The following MIA2 variants were observed in gnomAD, a reference collection of about 807,000 sequenced individuals.
MIA2 encodes the protein melanoma inhibitory activity protein 2.
Under a neutral mutation model 167.8 loss-of-function variants are expected in MIA2, and 127 were observed. The ratio of observed to expected loss-of-function variants is 0.76; its 90% CI spans 0.66 to 0.88. The LOEUF is 0.88. Among genes scored for constraint, MIA2 ranks in the 40% least tolerant of loss-of-function variants. The pLI is 0.00. For missense variants in MIA2, 1,690 were observed against 1,624.7 expected, an observed-to-expected ratio of 1.04 and a Z score of -0.69; for synonymous variants, 552 against 541.9, an observed-to-expected ratio of 1.02 and a Z score of -0.26.
chr14:39,307,869 T>C (rs1015405924), intron 17 of MIA2, among the ~76,000 whole-genome samples: 2 of 152,172 alleles, frequency 1.3e-5, no homozygotes, highest in South Asian at 2.1e-4. Context: ...TTCTCACTTA[T>C]ATATGGGAGC....
intron 23 of MIA2, among the ~76,000 whole-genome samples, chr14:39,367,230 G>A (rs559986440): frequency 1.3e-5 from 2 of 152,120 alleles, no homozygotes; most frequent in African/African-American, 2.4e-5. Context: ...GAGTGTTGGC[G>A]ACCCTGTCAT....
At chr14:39,258,838 C>T (rs760396952) in intron 6 of MIA2, among the ~76,000 whole-genome samples, 5 of 152,152 alleles carry the variant, frequency 3.3e-5, no homozygotes, top group African/African-American at 7.2e-5. Context: ...CAGTCAGGCC[C>T]CTCTTCTGCA....
Position 39,300,646 on chromosome 14 carries a change from A to G in MIA2, c.2619+660A>G, listed in dbSNP as rs545525908. Among the ~76,000 whole-genome samples, 8 of 124,168 alleles carry G rather than the reference A, an allele frequency of 6.4e-5. No homozygotes were observed. The South Asian group carries it at 1.9e-3, about 29-fold the overall frequency. The allele number at this position is 124,168 out of a possible 152,430, so 81.5% of individuals were successfully genotyped here. On this transcript the variant is annotated intron_variant, in intron 14 of 28. Coordinates refer to ENST00000640607, the MANE Select transcript of MIA2 (RefSeq NM_001329214.4). ...GACACTTGGACACAGGAAGAGGAAC[A>G]TCACACACCGGGACCTGTTGTGGGG... is the stretch of plus-strand genomic sequence containing the variant.
intron 23 of MIA2, among the ~76,000 whole-genome samples, chr14:39,371,632 T>C (rs1294875378): frequency 6.6e-6 from 1 of 152,250 alleles, no homozygotes; most frequent in Non-Finnish European, 1.5e-5. Context: ...AGGAGAATGC[T>C]CTGATAATTT....
At chr14:39,332,848 C>T (rs963314482) in intron 25 of MIA2, among the ~76,000 whole-genome samples, 4 of 152,212 alleles carry the variant, frequency 2.6e-5, no homozygotes, top group South Asian at 4.2e-4. Context: ...AGCTGAAGAC[C>T]GGAGCTGTTC....
At chr14:39,288,708 G>A (rs146433277) in intron 9 of MIA2, among the ~76,000 whole-genome samples, 4 of 150,794 alleles carry the variant, frequency 2.7e-5, no homozygotes, top group African/African-American at 7.3e-5. Context: ...TGATCTGTCC[G>A]CCTCGGCCTC....
chr14:39,240,114 T>C (rs865973168), intron 2 of MIA2, among the ~76,000 whole-genome samples: 3 of 152,148 alleles, frequency 2.0e-5, no homozygotes, highest in Non-Finnish European at 4.4e-5. Flanking sequence ...ATGAATCCAT[T>C]TGTGGCCCTT....
At chr14:39,324,927 GA>G (rs977091935) in intron 24 of MIA2, among the ~76,000 whole-genome samples, 1 of 151,694 alleles carries the variant, frequency 6.6e-6, no homozygotes, top group African/African-American at 2.4e-5. Context: ...GGCTTCTATT[GA>G]AAAAAAATTG....
At chr14:39,348,551 A>G (rs1342938086) in intron 27 of MIA2, among the ~76,000 whole-genome samples, 192 bp from the exon 28 acceptor site, 3 of 152,176 alleles carry the variant, frequency 2.0e-5, no homozygotes, top group Non-Finnish European at 4.4e-5. Context: ...TTGACTTAAT[A>G]AAATATTTAT....
chr14:39,239,983 T>C (rs757862787), intron 2 of MIA2, among the ~76,000 whole-genome samples: 1 of 152,192 alleles, frequency 6.6e-6, no homozygotes, highest in Non-Finnish European at 1.5e-5. Flanking sequence ...GCCTTCACCC[T>C]TGGGGCACAA....
rs1361459821 is a variant in MIA2, at chr14:39,279,555, A to G, written c.2130+18A>G. On this transcript the variant is annotated intron_variant, in intron 9 of 28. Coordinates refer to ENST00000640607, the MANE Select transcript of MIA2 (RefSeq NM_001329214.4). Reference sequence around the variant, plus strand: ...AAAAAGAGGTAAGATATTTTTGAAAATAATATTCATGTTAGAGTCAGAGAA... The same window carrying G: ...AAAAAGAGGTAAGATATTTTTGAAAGTAATATTCATGTTAGAGTCAGAGAA... 6.6e-7 allele frequency: 1 copy of G among 1,505,750 alleles called. No homozygotes were observed. Among genetic ancestry groups the G allele is most frequent in the East Asian group, 2.3e-5 (1 of 44,264 alleles). 93.3% of individuals were successfully genotyped at this position (1,505,750 alleles called of 1,614,324 possible).
downstream of MIA2, among the ~76,000 whole-genome samples, chr14:39,355,341 T>A (rs1351905432): frequency 6.6e-6 from 1 of 152,236 alleles, no homozygotes; most frequent in Non-Finnish European, 1.5e-5. Context: ...ACTCATGATT[T>A]GGCTTTCTGT....
intron 6 of MIA2, among the ~76,000 whole-genome samples, chr14:39,263,436 C>G (rs1014480613): frequency 4.0e-5 from 6 of 149,928 alleles, no homozygotes; most frequent in African/African-American, 7.4e-5. Flanking sequence ...AGCTCACTAT[C>G]TTGCCCAGGC....
intron 23 of MIA2, among the ~76,000 whole-genome samples, chr14:39,368,689 GTT>G (rs35332595): frequency 7.9e-6 from 1 of 126,736 alleles, no homozygotes; most frequent in Non-Finnish European, 1.7e-5. Context: ...TCTTTTTTTT[GTT>G]TTTTTTTTTG....
chr14:39,304,525 A>G, intron 17 of MIA2, 144 bp downstream of exon 17: 1 of 463,526 alleles, frequency 2.2e-6, no homozygotes, highest in Non-Finnish European at 3.9e-6. Flanking sequence ...TATTTGTGAA[A>G]CATTAGTCCT....
At chr14:39,320,900 T>A in intron 23 of MIA2, 28 bp from the exon 24 acceptor site, 1 of 1,604,658 alleles carries the variant, frequency 6.2e-7, no homozygotes, top group Non-Finnish European at 8.5e-7. Context: ...AAACTATGAA[T>A]TTAAATATGC....
At chr14:39,286,863 TTCTG>T (rs2059883169) in intron 9 of MIA2, among the ~76,000 whole-genome samples, 1 of 77,668 alleles carries the variant, frequency 1.3e-5, no homozygotes, top group African/African-American at 4.4e-5. Flanking sequence ...CTGGCTATTT[TTCTG>T]TGTGTGTGTG....
chr14:39,381,836 A>G (rs967791719), intron 23 of MIA2, among the ~76,000 whole-genome samples: 10 of 147,530 alleles, frequency 6.8e-5, no homozygotes, highest in Non-Finnish European at 1.3e-4. Flanking sequence ...AACCAGAAAC[A>G]AATCAACAAC....
chr14:39,325,687 T>A (rs1037128372), intron 24 of MIA2, among the ~76,000 whole-genome samples: 3 of 150,972 alleles, frequency 2.0e-5, no homozygotes, highest in African/African-American at 7.3e-5. Flanking sequence ...TATATTTGTC[T>A]TTTCCATTTT....
Sources: allele counts gnomAD v4.1 joint callset (sites outside exome capture counted in the v4.1 genomes callset), GRCh38; gene constraint gnomAD v4.1.1; transcripts MANE v1.5; gene names NCBI Gene and HGNC (gene_info 2026-07-23, HGNC 2026-07-21).